The following PLGRKT variants were observed in gnomAD, a reference collection of about 807,000 sequenced individuals.
The protein encoded by PLGRKT is plasminogen receptor with a C-terminal lysine, also known as plasminogen receptor (KT).
Under a neutral mutation model 18.5 loss-of-function variants are expected in PLGRKT, and 22 were observed. The observed-to-expected ratio is 1.19, with a 90% confidence interval of 0.85 to 1.70. The LOEUF (loss-of-function observed/expected upper bound fraction) is 1.70, where lower values mean the gene tolerates loss of function less well. PLGRKT is among the 40% of genes most tolerant of loss of function. The pLI is 0.00. For synonymous variants in PLGRKT, 72 were observed against 52.8 expected (o/e 1.36, Z -1.58); for missense variants, 235 against 174.4 (o/e 1.35, Z -1.96).
At chr9:5,389,705 C>T (rs1375838916) in intron 3 of PLGRKT, among the ~76,000 whole-genome samples, 3 of 151,628 alleles carry the variant, frequency 2.0e-5, no homozygotes, top group Middle Eastern at 3.2e-3. Flanking sequence ...TCTAGGTGAC[C>T]CAAAATAAGT....
chr9:5,405,162 C>T (rs773517512), intron 3 of PLGRKT, among the ~76,000 whole-genome samples: 10 of 152,028 alleles, frequency 6.6e-5, no homozygotes, highest in Non-Finnish European at 1.3e-4. Flanking sequence ...GAATCAATAT[C>T]GTAAAAATGG....
chr9:5,361,267 T>A, intron 4 of PLGRKT, 80 bp from the exon 5 acceptor site: 1 of 729,426 alleles, frequency 1.4e-6, no homozygotes, highest in East Asian at 2.7e-5. Context: ...GAAAAAAAAA[T>A]ACCTGCTTTT....
chr9:5,426,657 G>A (rs1322721027), intron 3 of PLGRKT, among the ~76,000 whole-genome samples: 1 of 152,156 alleles, frequency 6.6e-6, no homozygotes, highest in Non-Finnish European at 1.5e-5. Flanking sequence ...ATCCACCATG[G>A]GACAAGTCTT....
At chr9:5,379,798 AT>A (rs1395581299) in intron 3 of PLGRKT, among the ~76,000 whole-genome samples, 1 of 152,202 alleles carries the variant, frequency 6.6e-6, no homozygotes. Context: ...CTCATGCACT[AT>A]TTTTGGGAAA....
At chr9:5,433,307 T>C (rs1025783959) in intron 2 of PLGRKT, among the ~76,000 whole-genome samples, 2 of 142,782 alleles carry the variant, frequency 1.4e-5, no homozygotes, top group African/African-American at 5.3e-5. Context: ...TGACCGCCCG[T>C]TGTCTGGGAT....
chr9:5,416,972 G>A (rs1818474017), intron 3 of PLGRKT, among the ~76,000 whole-genome samples: 2 of 152,194 alleles, frequency 1.3e-5, no homozygotes, highest in Admixed American at 1.3e-4. Flanking sequence ...ATTAATATCT[G>A]CCCTACATTT....
rs890075846 is a variant in PLGRKT, at chr9:5,368,748, C to G, written c.82-6860G>C. ...GTTGAAATTATAAAAAATAAAGATA[C>G]CAAAACGGATATATAGACCAATGGA... On this transcript the variant is annotated intron_variant, in intron 3 of 5. Coordinates refer to ENST00000223864, the MANE Select transcript of PLGRKT (RefSeq NM_018465.4). Among the ~76,000 whole-genome samples, 3 of 152,104 alleles carry G rather than the reference C, an allele frequency of 2.0e-5. No homozygotes were observed. The East Asian group carries it at 5.8e-4, about 29-fold the overall frequency.
At chr9:5,379,349 G>C (rs1409620041) in intron 3 of PLGRKT, among the ~76,000 whole-genome samples, 1 of 152,148 alleles carries the variant, frequency 6.6e-6, no homozygotes, top group African/African-American at 2.4e-5. Context: ...TTACCTGCCA[G>C]ACATATAAAG....
At position 5,393,864 on chromosome 9, in the gene PLGRKT, T is replaced by C. The variant is rs144718110; in HGVS notation, c.82-31976A>G. Among the ~76,000 whole-genome samples, 44 of 152,020 alleles carry C rather than the reference T, an allele frequency of 2.9e-4. No individual in the cohort carries two copies. In the East Asian group the frequency reaches 4.0e-3, roughly 14 times the overall value. The stretch of plus-strand genomic sequence containing the variant: ...ATTTCCGTTTTAAAGATTTTTAAGA[T>C]TGGCAATAAGAAAAAGGCCTATCAA... On this transcript the variant is annotated intron_variant, in intron 3 of 5. Transcript: ENST00000223864.
At chr9:5,434,876 A>G (rs1043953911) in intron 2 of PLGRKT, among the ~76,000 whole-genome samples, 1 of 152,046 alleles carries the variant, frequency 6.6e-6, no homozygotes, top group African/African-American at 2.4e-5. Context: ...GTCGAAAAGA[A>G]AAGGGGGAAA....
chr9:5,376,071 C>T (rs953796578), intron 3 of PLGRKT, among the ~76,000 whole-genome samples: 4 of 152,116 alleles, frequency 2.6e-5, no homozygotes, highest in Admixed American at 6.6e-5. Context: ...ACTTTGGAGA[C>T]GTTTTGCTAA....
chr9:5,363,553 T>G (rs1817315625), intron 3 of PLGRKT, among the ~76,000 whole-genome samples: 1 of 152,156 alleles, frequency 6.6e-6, no homozygotes, highest in African/African-American at 2.4e-5. Context: ...TGGCCTCTCT[T>G]AGGCATGCTC....
intron 3 of PLGRKT, among the ~76,000 whole-genome samples, chr9:5,413,433 T>G (rs560835581): frequency 6.6e-6 from 1 of 152,006 alleles, no homozygotes; most frequent in African/African-American, 2.4e-5. Context: ...GATTTTAAGA[T>G]AGGAAAAGAA....
At chr9:5,399,621 C>T (rs1327907181) in intron 3 of PLGRKT, among the ~76,000 whole-genome samples, 5 of 151,660 alleles carry the variant, frequency 3.3e-5, no homozygotes, top group Non-Finnish European at 1.5e-5. Context: ...ATAAAATTTC[C>T]CTTACTTGTA....
At chr9:5,421,631 T>C (rs1225373558) in intron 3 of PLGRKT, among the ~76,000 whole-genome samples, 1 of 152,256 alleles carries the variant, frequency 6.6e-6, no homozygotes, top group African/African-American at 2.4e-5. Flanking sequence ...AATTACTGAC[T>C]TTGCTGAGTG....
In PLGRKT at chr9:5,418,379, A is replaced by T; in HGVS notation, c.81+13518T>A. The T allele has an allele frequency of 1.3e-6, 1 of 766,024 alleles. No individual in the cohort carries two copies. The allele number at this position is 766,024 out of a possible 1,614,324, so 47.5% of individuals were successfully genotyped here. A position where few individuals can be genotyped will look rare whatever the true frequency, so the allele number is the denominator to read the frequency against. ...CCCTGCAGCCCTCTCCAGCCACAAG[A>T]TGTCACAGTCAAGCGCTTAGAAATG... On this transcript the variant is annotated intron_variant, in intron 3 of 5. Transcript: ENST00000223864. The surrounding 1 kb of genome is among the most constrained non-coding windows in gnomAD (Gnocchi z 4.2).
At chr9:5,403,322 C>G (rs1321475926) in intron 3 of PLGRKT, among the ~76,000 whole-genome samples, 2 of 149,388 alleles carry the variant, frequency 1.3e-5, no homozygotes, top group East Asian at 3.9e-4. Context: ...CTCCCGGGTT[C>G]AAGTGATTCT....
intron 3 of PLGRKT, among the ~76,000 whole-genome samples, chr9:5,427,805 G>A (rs1219651349): frequency 6.6e-6 from 1 of 152,204 alleles, no homozygotes; most frequent in Non-Finnish European, 1.5e-5. Flanking sequence ...GAAAAGGAGG[G>A]ACAAGGGCCC....
chr9:5,384,415 GA>G (rs2131099382), intron 3 of PLGRKT, among the ~76,000 whole-genome samples: 1 of 152,256 alleles, frequency 6.6e-6, no homozygotes, highest in Non-Finnish European at 1.5e-5. Flanking sequence ...TAGTAAAGAA[GA>G]AAAAGTCAGT....
Sources: gnomAD v4.1 joint callset for allele counts (sites outside exome capture counted in the v4.1 genomes callset) on GRCh38, gnomAD v4.1.1 for gene constraint, Gnocchi (gnomAD v3.1) non-coding constraint, MANE v1.5 for transcripts, NCBI Gene and HGNC (gene_info 2026-07-23, HGNC 2026-07-21) for gene names.